SCAPER: variants seen among roughly 807,000 people sequenced by gnomAD.
The protein encoded by SCAPER is S phase cyclin A-associated protein in the endoplasmic reticulum.
SCAPER carries 98 observed loss-of-function variants against 182.2 expected under a neutral mutation model. The observed-to-expected ratio is 0.54, with a 90% CI of 0.46 to 0.64. The LOEUF (loss-of-function observed/expected upper bound fraction) is 0.64. SCAPER is among the 30% of genes least tolerant of loss of function. The pLI is 0.00. For synonymous variants in SCAPER, 605 were observed against 564.6 expected (o/e 1.07, Z -1.01); for missense variants, 1,432 against 1,690.0 (o/e 0.85, Z 2.68).
chr15:76,678,888 A>G (rs1057093003), intron 20 of SCAPER, among the ~76,000 whole-genome samples: 4 of 152,184 alleles, frequency 2.6e-5, no homozygotes, highest in African/African-American at 9.6e-5. Context: ...TCAAGGACTT[A>G]TGCTAACTGC....
At chr15:76,786,176 A>T (rs2064586107) in intron 8 of SCAPER, among the ~76,000 whole-genome samples, 2 of 151,952 alleles carry the variant, frequency 1.3e-5, no homozygotes, top group Non-Finnish European at 2.9e-5. Context: ...AAGACACAAA[A>T]ATTAGCTGGG....
intron 21 of SCAPER, among the ~76,000 whole-genome samples, chr15:76,661,284 T>C (rs1490449054): frequency 1.3e-5 from 2 of 152,062 alleles, no homozygotes; most frequent in Non-Finnish European, 2.9e-5. Context: ...GATTTTATGA[T>C]GAAATCGCCA....
chr15:76,743,986 A>G (rs2061675307), intron 15 of SCAPER, among the ~76,000 whole-genome samples: 1 of 152,206 alleles, frequency 6.6e-6, no homozygotes, highest in Admixed American at 6.5e-5. Flanking sequence ...ATAAAGCTGC[A>G]CATCTACAAC....
intron 23 of SCAPER, among the ~76,000 whole-genome samples, chr15:76,509,524 T>C (rs1414141787): frequency 6.6e-6 from 1 of 152,194 alleles, no homozygotes. Flanking sequence ...GTTTTTAAAA[T>C]TTTTACTCCA....
At chr15:76,782,888 A>T (rs1316907933) in intron 8 of SCAPER, among the ~76,000 whole-genome samples, 3 of 152,240 alleles carry the variant, frequency 2.0e-5, no homozygotes, top group Non-Finnish European at 4.4e-5. Flanking sequence ...AGCAGTGTGT[A>T]AAGGGAAAGT....
chr15:76,835,413 C>A (rs2068840524), intron 5 of SCAPER, among the ~76,000 whole-genome samples: 1 of 152,056 alleles, frequency 6.6e-6, no homozygotes, highest in African/African-American at 2.4e-5. Flanking sequence ...TAAATGTGAT[C>A]CACCACATAA....
intron 21 of SCAPER, among the ~76,000 whole-genome samples, chr15:76,663,493 G>A (rs1316482260): frequency 2.0e-5 from 3 of 151,958 alleles, no homozygotes; most frequent in African/African-American, 2.4e-5. Context: ...TCAGTAGAAT[G>A]TGGTATATCC....
rs1299373934 is a variant in SCAPER at position 76,800,125 on chromosome 15, T to C, written c.611+123A>G. On this transcript the variant is annotated intron_variant, in intron 7 of 31. Coordinates refer to ENST00000563290, the MANE Select transcript of SCAPER (RefSeq NM_020843.4). The stretch of plus-strand genomic sequence containing the variant: ...TTCCCCTCCTGTGTCAGAACCTGTA[T>C]ACAGTATTCTGCATAACATATACAT... 2.0e-5 allele frequency: 11 copies of C among 540,474 alleles called. 1 individual carries two copies. The highest frequency in any genetic ancestry group is 3.3e-5 in the Non-Finnish European group (10 of 301,736). The allele number at this position is 540,474 out of a possible 1,614,324, so 33.5% of individuals were successfully genotyped here.
At chr15:76,460,278 C>T (rs1047904410) in intron 25 of SCAPER, among the ~76,000 whole-genome samples, 1 of 152,008 alleles carries the variant, frequency 6.6e-6, no homozygotes, top group Non-Finnish European at 1.5e-5. Flanking sequence ...ATGTCTTTCA[C>T]CTTTTTGGCT....
At chr15:76,563,171 G>A (rs1375053762) in intron 23 of SCAPER, among the ~76,000 whole-genome samples, 2 of 152,144 alleles carry the variant, frequency 1.3e-5, no homozygotes. Flanking sequence ...AGGGTTCTGG[G>A]ATGCTGACAA....
At chr15:76,399,661 A>T (rs774511696) in intron 27 of SCAPER, among the ~76,000 whole-genome samples, 1 of 152,216 alleles carries the variant, frequency 6.6e-6, no homozygotes, top group Non-Finnish European at 1.5e-5. Flanking sequence ...AAGTTGAAAC[A>T]AAGACTAACA....
intron 1 of SCAPER, among the ~76,000 whole-genome samples, chr15:76,890,646 T>A (rs1470889390): frequency 6.6e-6 from 1 of 152,098 alleles, no homozygotes; most frequent in Non-Finnish European, 1.5e-5. Context: ...AATAGACCAA[T>A]AACGGGCTCT....
chr15:76,769,325 C>T (rs1297885131), intron 10 of SCAPER, among the ~76,000 whole-genome samples: 1 of 151,588 alleles, frequency 6.6e-6, no homozygotes, highest in East Asian at 1.9e-4. Flanking sequence ...CGCCTGTAGT[C>T]CCAGCTACTC....
At chr15:76,742,398 T>C (rs2151119432) in intron 15 of SCAPER, among the ~76,000 whole-genome samples, 1 of 103,856 alleles carries the variant, frequency 9.6e-6, no homozygotes, top group East Asian at 2.9e-4. Context: ...AAAAAACAAT[T>C]CCAAGAGCAG....
intron 1 of SCAPER, among the ~76,000 whole-genome samples, chr15:76,900,045 C>T (rs1174532452): frequency 6.6e-6 from 1 of 152,180 alleles, no homozygotes; most frequent in African/African-American, 2.4e-5. Flanking sequence ...TTACCCCCAA[C>T]CCCCTGCTCT....
rs1336665625 is a variant in SCAPER at position 76,389,552 on chromosome 15, A to G, written c.3468-7937T>C. 8.1e-5 allele frequency among the ~76,000 whole-genome samples: 11 copies of G among 135,856 alleles called. No individual in the cohort carries two copies. The East Asian group carries it at 2.0e-3, about 25-fold the overall frequency. The allele number at this position is 135,856 out of a possible 152,430, so 89.1% of individuals were successfully genotyped here. On this transcript the variant is annotated intron_variant, in intron 27 of 31. Transcript: ENST00000563290. ...AAAAAGGCCGGGCGCGGTGGCTCAC[A>G]CCTGTAATCCCAGCACTTTGGGAGG...
rs1300217772 is a variant in SCAPER, at chr15:76,766,972, T to C, written c.1365A>G (p.Glu455=). The change falls in exon 11 of 32, where the codon GAA becomes GAG. Residue 455 remains glutamate, a synonymous_variant. Transcript: ENST00000563290. ...TGTTAATATCATTGTTTTCTTCAGC[T>C]TCAATTTCTCTAGTTAACTGTTCTT... ...AEEEQLTREI[E]AEENNDINIE... is the part of the protein sequence containing the mutation. The C allele has an allele frequency of 1.4e-5, 23 of 1,609,420 alleles. No individual in the cohort carries two copies. The highest frequency in any genetic ancestry group is 1.9e-5 in the Non-Finnish European group (22 of 1,177,910).
Position 76,726,146 on chromosome 15 carries a change from TATATATATAA to T in SCAPER, c.2165+2439_2165+2448del, listed in dbSNP as rs796717649. On this transcript the variant is annotated intron_variant, in intron 17 of 31. Coordinates refer to ENST00000563290, the MANE Select transcript of SCAPER (RefSeq NM_020843.4). ...TAGAATATATATATATATATATATA[TATATATATAA>T]AAAACTCTATAACCCAACAAGAAAA... 1.0e-3 allele frequency among the ~76,000 whole-genome samples: 129 copies of T among 129,120 alleles called. 8 individuals are homozygous for T. The East Asian group carries it at 0.021, about 21-fold the overall frequency. The allele number at this position is 129,120 out of a possible 152,430, so 84.7% of individuals were successfully genotyped here. A position where few individuals can be genotyped will look rare whatever the true frequency, so the allele number is the denominator to read the frequency against.
At chr15:76,759,365 A>C (rs1167917939) in intron 14 of SCAPER, among the ~76,000 whole-genome samples, 1 of 152,184 alleles carries the variant, frequency 6.6e-6, no homozygotes, top group Non-Finnish European at 1.5e-5. Context: ...TTACTAAATC[A>C]ACCCTGGAGG....
Sources: gnomAD v4.1 joint callset for allele counts (sites outside exome capture counted in the v4.1 genomes callset) on GRCh38, gnomAD v4.1.1 for gene constraint, MANE v1.5 for transcripts, NCBI Gene and HGNC (gene_info 2026-07-23, HGNC 2026-07-21) for gene names.